Variants in GNAZ observed in about 807,000 individuals in gnomAD.
GNAZ encodes guanine nucleotide-binding protein G(z) subunit alpha.
GNAZ carries 3 observed loss-of-function variants against 25.4 expected under a neutral mutation model. That is an observed-to-expected ratio of 0.12 (90% confidence interval 0.05 to 0.30). GNAZ has a LOEUF of 0.30. Ranked by LOEUF, GNAZ falls within the 10% of genes least tolerant of loss-of-function variation. GNAZ has a pLI of 1.00. For missense variants in GNAZ, 241 were observed against 501.8 expected (o/e 0.48, Z 4.97); for synonymous variants, 211 against 205.7 (o/e 1.03, Z -0.22).
At chr22:23,123,060 T>C (rs2070077118) in intron 2 of GNAZ, 27 bp from the exon 3 acceptor site, 4 of 1,512,570 alleles carry the variant, frequency 2.6e-6, no homozygotes, top group African/African-American at 2.7e-5. Flanking sequence ...GCGGGCCTGA[T>C]TAACGCCAGT....
chr22:23,098,423 C>CA (rs1239104991), intron 2 of GNAZ, among the ~76,000 whole-genome samples: 4 of 152,224 alleles, frequency 2.6e-5, no homozygotes, highest in African/African-American at 9.6e-5. Context: ...TGGGGCCTCA[C>CA]ATCTCTAGCT....
chr22:23,091,702 C>T (rs1352226896), intron 1 of GNAZ, among the ~76,000 whole-genome samples: 1 of 152,208 alleles, frequency 6.6e-6, no homozygotes, highest in East Asian at 1.9e-4. Context: ...ACACACGCAC[C>T]GCAATGGACC....
At chr22:23,103,849 G>A (rs1192259839) in intron 2 of GNAZ, among the ~76,000 whole-genome samples, 4 of 152,158 alleles carry the variant, frequency 2.6e-5, no homozygotes, top group African/African-American at 9.7e-5. Flanking sequence ...GAGGACCTGT[G>A]TAGCCAGGGC....
intron 2 of GNAZ, among the ~76,000 whole-genome samples, chr22:23,111,844 C>A (rs560384276): frequency 7.3e-4 from 111 of 152,326 alleles, no homozygotes; most frequent in East Asian, 4.6e-3. Context: ...GTCCTCAGAT[C>A]CCGGTGGCAG....
At chr22:23,093,158 G>A (rs1358475183) in intron 1 of GNAZ, among the ~76,000 whole-genome samples, 1 of 152,260 alleles carries the variant, frequency 6.6e-6, no homozygotes, top group African/African-American at 2.4e-5. Flanking sequence ...ACTGTGTGCT[G>A]GAGTGGGAGG....
intron 2 of GNAZ, among the ~76,000 whole-genome samples, chr22:23,105,215 G>A (rs1453656824): frequency 6.6e-6 from 1 of 152,256 alleles, no homozygotes; most frequent in African/African-American, 2.4e-5. Context: ...GAGAAGCACA[G>A]CAGCATCCTG....
rs575493711 is a variant in GNAZ at position 23,089,047 on chromosome 22, C to CCGT, written c.-449-6197_-449-6195dup. ...ATCACTTCGTCTTGGCTCACTCTTTCCGTCGCCCAAGCTCAGCATGGGGCA... is the reference window on the plus strand; with the variant it reads ...ATCACTTCGTCTTGGCTCACTCTTTCCGTCGTCGCCCAAGCTCAGCATGGGGCA... On this transcript the variant is annotated intron_variant, in intron 1 of 2. Transcript: ENST00000615612. Among the ~76,000 whole-genome samples, 315 of 152,318 alleles carry CCGT rather than the reference C, an allele frequency of 2.1e-3. 2 individuals carry two copies. The highest frequency in any genetic ancestry group is 3.4e-3 in the Middle Eastern group (1 of 294).
chr22:23,124,593 T>C lies in GNAZ; in HGVS notation c.*1162T>C. ...AACAATAGCTAAGTGTCTTGGTATTTAAAGAGTAAATTATTTGTGGCTTTG... is the reference window on the plus strand; with the variant it reads ...AACAATAGCTAAGTGTCTTGGTATTCAAAGAGTAAATTATTTGTGGCTTTG... On this transcript the variant is annotated 3_prime_UTR_variant, in exon 3 of 3. Coordinates refer to ENST00000615612, the MANE Select transcript of GNAZ (RefSeq NM_002073.4). 4.4e-6 allele frequency: 1 copy of C among 229,144 alleles called. No homozygotes were observed. Among genetic ancestry groups the C allele is most frequent in the Non-Finnish European group, 9.6e-6 (1 of 104,004 alleles). The allele number at this position is 229,144 out of a possible 1,614,324, so 14.2% of individuals were successfully genotyped here. A position where few individuals can be genotyped will look rare whatever the true frequency, so the allele number is the denominator to read the frequency against.
At chr22:23,094,971 G>C (rs1268102372) in intron 1 of GNAZ, among the ~76,000 whole-genome samples, 3 of 152,242 alleles carry the variant, frequency 2.0e-5, no homozygotes, top group African/African-American at 7.2e-5. Flanking sequence ...AGTGAGTCCA[G>C]CATGGGGGCT....
chr22:23,082,628 A>C (rs1569164494), intron 1 of GNAZ, among the ~76,000 whole-genome samples: 1 of 152,148 alleles, frequency 6.6e-6, no homozygotes, highest in Non-Finnish European at 1.5e-5. Flanking sequence ...ACAGGGGCCA[A>C]GTATGAGGAG....
At position 23,071,584 on chromosome 22, in the gene GNAZ, C is replaced by G. The variant is rs1168709839; in HGVS notation, c.-450+1014C>G. On this transcript the variant is annotated intron_variant, in intron 1 of 2. Coordinates refer to ENST00000615612, the MANE Select transcript of GNAZ (RefSeq NM_002073.4). The surrounding 1 kb of genome is among the most constrained non-coding windows in gnomAD (Gnocchi z 4.1). ...AGCAAATATTTATTGAGTGGTCACT[C>G]CCCCAGAGCTTGACGCTGGGGTGCA... Among the ~76,000 whole-genome samples, 2 of 152,150 alleles carry G rather than the reference C, an allele frequency of 1.3e-5. No homozygotes were observed. Among genetic ancestry groups the G allele is most frequent in the East Asian group, 3.9e-4 (2 of 5,178 alleles).
At chr22:23,113,232 C>T (rs748495031) in intron 2 of GNAZ, among the ~76,000 whole-genome samples, 3 of 152,226 alleles carry the variant, frequency 2.0e-5, no homozygotes, top group Non-Finnish European at 4.4e-5. Context: ...GGGGCCCCAG[C>T]GCCACCTGGC....
chr22:23,109,962 C>T (rs1038401111), intron 2 of GNAZ, among the ~76,000 whole-genome samples: 4 of 152,210 alleles, frequency 2.6e-5, no homozygotes, highest in African/African-American at 9.6e-5. Context: ...CAGGAGCTCA[C>T]TGAGTCATTA....
rs970969515 is a variant in GNAZ at position 23,071,581 on chromosome 22, A to G, written c.-450+1011A>G. ...TTAAGCAAATATTTATTGAGTGGTCACTCCCCCAGAGCTTGACGCTGGGGT... is the reference window on the plus strand; with the variant it reads ...TTAAGCAAATATTTATTGAGTGGTCGCTCCCCCAGAGCTTGACGCTGGGGT... On this transcript the variant is annotated intron_variant, in intron 1 of 2. Coordinates refer to ENST00000615612, the MANE Select transcript of GNAZ (RefSeq NM_002073.4). This position sits in a 1 kb window ranked among gnomAD's most constrained non-coding sequence, Gnocchi z 4.1. Among the ~76,000 whole-genome samples, 2 of 151,956 alleles carry G rather than the reference A, an allele frequency of 1.3e-5. No homozygotes were observed. The highest frequency in any genetic ancestry group is 4.8e-5 in the African/African-American group (2 of 41,352).
chr22:23,078,438 C>T (rs367791394), intron 1 of GNAZ, among the ~76,000 whole-genome samples: 93 of 152,302 alleles, frequency 6.1e-4, no homozygotes, highest in African/African-American at 2.2e-3. Flanking sequence ...CCTTGTCCCC[C>T]CAACACTGCC....
chr22:23,094,087 T>A (rs1601788634), intron 1 of GNAZ, among the ~76,000 whole-genome samples: 1 of 151,990 alleles, frequency 6.6e-6, no homozygotes. Context: ...GCTGTTGGGG[T>A]CTCTCTGCCT....
intron 1 of GNAZ, among the ~76,000 whole-genome samples, chr22:23,082,297 A>G (rs990905580): frequency 1.3e-5 from 2 of 150,024 alleles, no homozygotes; most frequent in Non-Finnish European, 3.0e-5. Context: ...GCTCACTGCA[A>G]CCTCCGCCTC....
intron 1 of GNAZ, among the ~76,000 whole-genome samples, chr22:23,093,559 A>AG (rs1310924272): frequency 6.6e-6 from 1 of 152,196 alleles, no homozygotes; most frequent in Admixed American, 6.5e-5. Flanking sequence ...GGTGACGCTC[A>AG]CAGCGACAAG....
At chr22:23,104,103 G>A (rs2069386898) in intron 2 of GNAZ, among the ~76,000 whole-genome samples, 1 of 151,980 alleles carries the variant, frequency 6.6e-6, no homozygotes, top group Non-Finnish European at 1.5e-5. Flanking sequence ...TCCAGTCAAG[G>A]CTGTGGGGGA....
Sources: allele counts gnomAD v4.1 joint callset (sites outside exome capture counted in the v4.1 genomes callset), GRCh38; gene constraint gnomAD v4.1.1; non-coding constraint Gnocchi (gnomAD v3.1); transcripts MANE v1.5; gene names NCBI Gene and HGNC (gene_info 2026-07-23, HGNC 2026-07-21).